Variants in ASH1L observed in about 807,000 individuals in gnomAD.
ASH1L encodes the protein ASH1 like histone lysine methyltransferase, also known as histone-lysine N-methyltransferase ASH1L.
ASH1L carries 23 observed loss-of-function variants against 269.0 expected under a neutral mutation model. The observed-to-expected ratio is 0.09, with a 90% CI of 0.06 to 0.12. ASH1L has a LOEUF of 0.12. ASH1L is among the 10% of genes least tolerant of loss of function. The pLI, the probability that ASH1L is intolerant of heterozygous loss-of-function variation, is 1.00. For synonymous variants in ASH1L, 1,187 were observed against 1,253.5 expected (o/e 0.95, Z 1.12); for missense variants, 2,912 against 3,567.8 (o/e 0.82, Z 4.68).
chr1:155,562,174 G>A lies in ASH1L; in HGVS notation c.-121C>T, dbSNP rs1014098414. On this transcript the variant is annotated 5_prime_UTR_variant, in exon 1 of 28. Coordinates refer to ENST00000392403, the MANE Select transcript of ASH1L (RefSeq NM_018489.3). ...TCACCGTGTCGGAGGCCGAGGCCGA[G>A]GCCGAGAGCGATGAGAGTGCAGGGA... The A allele has an allele frequency of 8.8e-6, 14 of 1,598,562 alleles. No homozygotes were observed. Among genetic ancestry groups the A allele is most frequent in the South Asian group, 1.1e-5 (1 of 90,128 alleles).
rs779041649 is a variant in ASH1L, at chr1:155,342,016, G to A, written c.8380C>T (p.Arg2794Trp). Residue 2794 changes from arginine (R) to tryptophan (W), a missense_variant, in exon 25 of 28, where the codon CGG becomes TGG. Arg to Trp is a moderately radical substitution (Grantham distance 101, BLOSUM62 -3). Coordinates refer to ENST00000392403, the MANE Select transcript of ASH1L (RefSeq NM_018489.3). The part of the protein sequence containing the change: ...KSAHLFYKIH[R>W]NRYPVCTKPY... The stretch of plus-strand genomic sequence containing the variant: ...TTGGTGCAGACAGGATAGCGGTTCC[G>A]GTGGATCTTGTAAAACAGGTGTGCT... 3.7e-6 allele frequency: 6 copies of A among 1,614,036 alleles called. No homozygotes were observed. Among genetic ancestry groups the A allele is most frequent in the Admixed American group, 3.3e-5 (2 of 60,008 alleles).
intron 12 of ASH1L, among the ~76,000 whole-genome samples, chr1:155,369,545 T>A (rs1655747203): frequency 1.3e-5 from 2 of 152,188 alleles, no homozygotes; most frequent in African/African-American, 4.8e-5. Flanking sequence ...ACTATCCTCA[T>A]ATTATCTTTT....
At chr1:155,554,524 G>A (rs1173951423) in intron 1 of ASH1L, among the ~76,000 whole-genome samples, 6 of 152,072 alleles carry the variant, frequency 3.9e-5, no homozygotes, top group South Asian at 2.1e-4. Flanking sequence ...CACCCGCCTC[G>A]TCCTCCCAAA....
intron 16 of ASH1L, among the ~76,000 whole-genome samples, chr1:155,353,997 T>C (rs1461622872): frequency 6.6e-6 from 1 of 152,224 alleles, no homozygotes; most frequent in East Asian, 1.9e-4. Flanking sequence ...TTCTATTCCC[T>C]AAAGAGAGGA....
chr1:155,468,228 A>ATTTT (rs139732735), intron 3 of ASH1L, among the ~76,000 whole-genome samples: 6 of 127,250 alleles, frequency 4.7e-5, no homozygotes, highest in Non-Finnish European at 4.9e-5. Flanking sequence ...TATTATTATT[A>ATTTT]TTATTTTTTT....
At chr1:155,516,300 A>G (rs771755142) in intron 2 of ASH1L, among the ~76,000 whole-genome samples, 6 of 152,108 alleles carry the variant, frequency 3.9e-5, no homozygotes, top group Non-Finnish European at 7.4e-5. Context: ...AAAATAACCT[A>G]CTCTCATTTC....
At chr1:155,466,443 C>T (rs1448502318) in intron 3 of ASH1L, among the ~76,000 whole-genome samples, 1 of 152,180 alleles carries the variant, frequency 6.6e-6, no homozygotes, top group South Asian at 2.1e-4. Flanking sequence ...ACATCATTCA[C>T]TGAAATGGAA....
chr1:155,342,108 G>A lies in ASH1L; in HGVS notation c.8294-6C>T. 1 of 1,613,660 alleles carries A rather than the reference G, an allele frequency of 6.2e-7. No homozygotes were observed. The highest frequency in any genetic ancestry group is 1.1e-5 in the South Asian group (1 of 91,056). The stretch of plus-strand genomic sequence containing the variant: ...CTTTACTCCTTTGGGTCTCCCTATG[G>A]GTCCAACCAGTGTTAAGGAATCCTA... On this transcript the variant is annotated splice_region_variant and splice_polypyrimidine_tract_variant and intron_variant, in intron 24 of 27. Transcript: ENST00000392403.
chr1:155,562,567 C>T lies in ASH1L; in HGVS notation c.-514G>A, dbSNP rs764398001. 1.9e-5 allele frequency: 29 copies of T among 1,529,180 alleles called. No individual in the cohort carries two copies. In the South Asian group the frequency reaches 3.1e-4, roughly 16 times the overall value. 94.7% of individuals were successfully genotyped at this position (1,529,180 alleles called of 1,614,324 possible). ...GCGTTCTTTCCCACCGTCCCCCGCT[C>T]CGCCCGACTCCGTCCGCGTAGCGCG... On this transcript the variant is annotated 5_prime_UTR_variant, in exon 1 of 28. Coordinates refer to ENST00000392403, the MANE Select transcript of ASH1L (RefSeq NM_018489.3).
chr1:155,515,339 T>C (rs144485036), intron 2 of ASH1L, among the ~76,000 whole-genome samples: 3 of 152,280 alleles, frequency 2.0e-5, no homozygotes, highest in Non-Finnish European at 4.4e-5. Context: ...ATCTCAACAA[T>C]TTTTTGCAGG....
chr1:155,405,768 T>G (rs192430194), intron 6 of ASH1L, among the ~76,000 whole-genome samples: 151 of 149,734 alleles, frequency 1.0e-3, no homozygotes, highest in African/African-American at 3.7e-3. Flanking sequence ...AGGTGGAGGT[T>G]GCAGTGAGCC....
chr1:155,562,259 C>G lies in ASH1L; in HGVS notation c.-206G>C, dbSNP rs1261872459. 6.2e-7 allele frequency: 1 copy of G among 1,610,096 alleles called. No homozygotes were observed. The highest frequency in any genetic ancestry group is 8.5e-7 in the Non-Finnish European group (1 of 1,176,960). On this transcript the variant is annotated 5_prime_UTR_variant, in exon 1 of 28. Coordinates refer to ENST00000392403, the MANE Select transcript of ASH1L (RefSeq NM_018489.3). Reference sequence around the variant, plus strand: ...GCTTCCCTGGGTCCACGGCGGATCCCTCCCGCTTGTCAGGAGGCGGCCAGC... The same window carrying G: ...GCTTCCCTGGGTCCACGGCGGATCCGTCCCGCTTGTCAGGAGGCGGCCAGC...
intron 2 of ASH1L, among the ~76,000 whole-genome samples, chr1:155,489,461 G>C (rs375069662): frequency 7.3e-6 from 1 of 137,488 alleles, no homozygotes; most frequent in Admixed American, 7.5e-5. Flanking sequence ...GAGACAGACC[G>C]AGGCTCTGTC....
intron 2 of ASH1L, among the ~76,000 whole-genome samples, chr1:155,513,252 T>G (rs1253734505): frequency 2.0e-5 from 3 of 151,840 alleles, no homozygotes; most frequent in Non-Finnish European, 4.4e-5. Context: ...ATGGTAATTC[T>G]TTCAAAAAAT....
intron 2 of ASH1L, among the ~76,000 whole-genome samples, chr1:155,504,005 G>A (rs1438961849): frequency 6.6e-6 from 1 of 152,142 alleles, no homozygotes; most frequent in Non-Finnish European, 1.5e-5. Flanking sequence ...TTACAGGTGG[G>A]AGCCACCATG....
At chr1:155,518,699 G>A (rs531903959) in intron 2 of ASH1L, among the ~76,000 whole-genome samples, 19 of 148,578 alleles carry the variant, frequency 1.3e-4, no homozygotes, top group African/African-American at 3.2e-4. Context: ...GTGGGGGGGC[G>A]GTGGGAGGAA....
intron 5 of ASH1L, among the ~76,000 whole-genome samples, chr1:155,424,438 G>A (rs1004974534): frequency 4.0e-5 from 6 of 150,968 alleles, no homozygotes; most frequent in Admixed American, 6.6e-5. Flanking sequence ...ACAGAGTTTC[G>A]CTCTTGTTGT....
In ASH1L at chr1:155,438,730, T is replaced by C. The variant is rs749856698; in HGVS notation, c.5425A>G (p.Lys1809Glu). 159 of 1,613,966 alleles carry C rather than the reference T, an allele frequency of 9.9e-5. No homozygotes were observed. Among genetic ancestry groups the C allele is most frequent in the Non-Finnish European group, 1.3e-4 (154 of 1,180,030 alleles). ...AAGATTTTGTCGTAATTGCACATTT[T>C]CCGAGCTTGGCGTTGCATAGCTTCC... The part of the protein sequence containing the change: ...VVEAMQRQAR[K>E]MCNYDKILAT... Residue 1809 changes from lysine to glutamate, a missense_variant, in exon 5 of 28, where the codon AAA becomes GAA. Around this residue, in one of 13 missense-constraint regions of ASH1L, gnomAD observed 789 missense variants for 897.6 expected, o/e 0.88. Coordinates refer to ENST00000392403, the MANE Select transcript of ASH1L (RefSeq NM_018489.3).
intron 7 of ASH1L, among the ~76,000 whole-genome samples, chr1:155,386,008 G>C (rs1657396890): frequency 6.6e-6 from 1 of 152,020 alleles, no homozygotes; most frequent in Non-Finnish European, 1.5e-5. Context: ...TGGAGGGAGA[G>C]ACATATGATT....
Sources: gnomAD v4.1 joint callset for allele counts (sites outside exome capture counted in the v4.1 genomes callset) on GRCh38, gnomAD v4.1.1 for gene constraint, gnomAD v4.1.1 regional missense constraint, MANE v1.5 for transcripts, NCBI Gene and HGNC (gene_info 2026-07-23, HGNC 2026-07-21) for gene names.